The following RCL1 variants were observed in gnomAD, a reference collection of about 807,000 sequenced individuals.
RCL1 encodes RNA terminal phosphate cyclase like 1, also known as RNA 3'-terminal phosphate cyclase-like protein.
RCL1 carries 24 observed loss-of-function variants against 42.4 expected under a neutral mutation model. The observed-to-expected ratio is 0.57, with a 90% CI of 0.41 to 0.80. The LOEUF is 0.80. Ranked by LOEUF, RCL1 falls within the 30% of genes least tolerant of loss-of-function variation. RCL1 has a pLI of 0.00. For synonymous variants in RCL1, 228 were observed against 177.3 expected, an observed-to-expected ratio of 1.29 and a Z score of -2.27; for missense variants, 578 against 467.9, an observed-to-expected ratio of 1.24 and a Z score of -2.17.
intron 8 of RCL1, among the ~76,000 whole-genome samples, chr9:4,854,030 A>T (rs1192197887): frequency 6.6e-6 from 1 of 152,192 alleles, no homozygotes; most frequent in African/African-American, 2.4e-5. Context: ...CTTGCACAGT[A>T]CCACTATGTC....
chr9:4,823,676 TCA>T, intron 2 of RCL1, 57 bp downstream of exon 2: 1 of 1,232,972 alleles, frequency 8.1e-7, no homozygotes, highest in African/African-American at 1.6e-5. Context: ...TTCCTGTTTC[TCA>T]CTCTTTTTTT....
At chr9:4,794,294 C>CTAT (rs1842879195) in intron 1 of RCL1, among the ~76,000 whole-genome samples, 1 of 152,170 alleles carries the variant, frequency 6.6e-6, no homozygotes, top group Non-Finnish European at 1.5e-5. Context: ...AGATGCCATG[C>CTAT]TATTGACGGA....
At chr9:4,806,854 C>T (rs551172022) in intron 1 of RCL1, among the ~76,000 whole-genome samples, 89 of 152,048 alleles carry the variant, frequency 5.9e-4, no homozygotes, top group Non-Finnish European at 1.0e-3. Flanking sequence ...AAATGTTTGG[C>T]AGAATTTCAT....
At chr9:4,840,782 G>T (rs1054698205) in intron 5 of RCL1, among the ~76,000 whole-genome samples, 2 of 152,188 alleles carry the variant, frequency 1.3e-5, no homozygotes, top group African/African-American at 4.8e-5. Flanking sequence ...CAGGTCCTGT[G>T]TGGTGTCTGT....
chr9:4,847,583 T>G (rs1448941575), intron 7 of RCL1, among the ~76,000 whole-genome samples: 1 of 152,222 alleles, frequency 6.6e-6, no homozygotes, highest in Non-Finnish European at 1.5e-5. Context: ...GGCCACTGGC[T>G]CTCTGCATTT....
intron 1 of RCL1, chr9:4,804,790 G>A (rs1843072693): frequency 2.8e-5 from 5 of 178,650 alleles, no homozygotes; most frequent in Non-Finnish European, 6.0e-5. Flanking sequence ...GAATTGGAAG[G>A]GATGAAGTCC....
At chr9:4,813,020 C>T (rs1816234716) in intron 1 of RCL1, among the ~76,000 whole-genome samples, 1 of 152,158 alleles carries the variant, frequency 6.6e-6, no homozygotes, top group African/African-American at 2.4e-5. Flanking sequence ...CAAACGGGAA[C>T]AGCTTAACTT....
intron 1 of RCL1, among the ~76,000 whole-genome samples, chr9:4,813,865 A>G (rs1195729881): frequency 1.3e-5 from 2 of 152,248 alleles, no homozygotes; most frequent in Non-Finnish European, 2.9e-5. Flanking sequence ...GCCATAAAAA[A>G]TGATGAGTTC....
At chr9:4,809,551 G>T (rs79958965) in intron 1 of RCL1, among the ~76,000 whole-genome samples, 17 of 151,930 alleles carry the variant, frequency 1.1e-4, no homozygotes, top group Non-Finnish European at 2.2e-4. Context: ...CTTGTGATTC[G>T]CCCGCCTCGG....
chr9:4,814,709 A>G (rs917166268), intron 1 of RCL1, among the ~76,000 whole-genome samples: 2 of 151,932 alleles, frequency 1.3e-5, no homozygotes, highest in Non-Finnish European at 2.9e-5. Flanking sequence ...TATTTGTTCT[A>G]CCAGTGAGTT....
intron 1 of RCL1, among the ~76,000 whole-genome samples, chr9:4,821,469 A>G (rs1816594789): frequency 6.6e-6 from 1 of 152,208 alleles, no homozygotes; most frequent in African/African-American, 2.4e-5. Flanking sequence ...TAACAATGTC[A>G]CAGGCACAGA....
At chr9:4,857,298 T>C (rs1459537232) in intron 8 of RCL1, among the ~76,000 whole-genome samples, 3 of 152,210 alleles carry the variant, frequency 2.0e-5, no homozygotes, top group Non-Finnish European at 4.4e-5. Flanking sequence ...GAATCTCCTT[T>C]CTGCCTCTGT....
rs79958965 is a variant in RCL1, at chr9:4,809,551, G to A, written c.137-13997G>A. Among the ~76,000 whole-genome samples the A allele has an allele frequency of 4.6e-3, 699 of 152,042 alleles. 12 individuals are homozygous for A. In the East Asian group the frequency reaches 0.051, roughly 11 times the overall value. On this transcript the variant is annotated intron_variant, in intron 1 of 8. Coordinates refer to ENST00000381750, the MANE Select transcript of RCL1 (RefSeq NM_005772.5). ...TCTCGATCTCCTGACCTTGTGATTC[G>A]CCCGCCTCGGCCTCCCAGAGTGCTG... is the stretch of plus-strand genomic sequence containing the variant.
chr9:4,797,923 T>G (rs1171206582), intron 1 of RCL1, among the ~76,000 whole-genome samples: 1 of 152,244 alleles, frequency 6.6e-6, no homozygotes, highest in Non-Finnish European at 1.5e-5. Flanking sequence ...TCCAGCCACA[T>G]GTATAATTTA....
At chr9:4,832,495 C>T (rs1202964544) in intron 3 of RCL1, among the ~76,000 whole-genome samples, 4 of 152,124 alleles carry the variant, frequency 2.6e-5, no homozygotes, top group Non-Finnish European at 2.9e-5. Flanking sequence ...TTCTTCTGTA[C>T]GTTTATACCT....
chr9:4,833,085 T>G, intron 3 of RCL1, 69 bp from the exon 4 acceptor site: 1 of 1,080,510 alleles, frequency 9.3e-7, no homozygotes, highest in South Asian at 1.3e-5. Flanking sequence ...AAGCCTTACT[T>G]GTTTTTTTTG....
chr9:4,805,033 A>G (rs893038550), intron 1 of RCL1: 1 of 152,304 alleles, frequency 6.6e-6, no homozygotes, highest in Non-Finnish European at 1.5e-5. Flanking sequence ...ACTGACAGCC[A>G]TGTCAGACTT....
At chr9:4,858,643 G>A (rs1818043544) in intron 8 of RCL1, among the ~76,000 whole-genome samples, 1 of 152,160 alleles carries the variant, frequency 6.6e-6, no homozygotes, top group Admixed American at 6.5e-5. Context: ...GAGGAAATTA[G>A]CCATAACTGT....
intron 8 of RCL1, among the ~76,000 whole-genome samples, chr9:4,851,694 C>G (rs1408627051): frequency 6.6e-6 from 1 of 150,916 alleles, no homozygotes; most frequent in African/African-American, 2.4e-5. Flanking sequence ...TTTGTGAAAC[C>G]TCAGATTTCT....
Sources: gnomAD v4.1 joint callset for allele counts (sites outside exome capture counted in the v4.1 genomes callset) on GRCh38, gnomAD v4.1.1 for gene constraint, MANE v1.5 for transcripts, NCBI Gene and HGNC (gene_info 2026-07-23, HGNC 2026-07-21) for gene names.